The following MCUB variants were observed in gnomAD, a reference collection of about 807,000 sequenced individuals.
MCUB encodes the protein mitochondrial calcium uniporter dominant negative subunit beta.
Under a neutral mutation model 41.4 loss-of-function variants are expected in MCUB, and 46 were observed. The ratio of observed to expected loss-of-function variants is 1.11; its 90% CI spans 0.88 to 1.42. The LOEUF is 1.42. Among genes scored for constraint, MCUB ranks in the 40% most tolerant of loss-of-function variants. The probability of loss-of-function intolerance (pLI) is 0.00; values close to 1 mark genes in which losing one functional copy is unlikely to be tolerated. For synonymous variants in MCUB, 148 were observed against 148.2 expected (o/e 1.00, Z 0.01); for missense variants, 403 against 404.9 (o/e 1.00, Z 0.04).
At chr4:109,681,889 G>C (rs1053712445) in intron 4 of MCUB, among the ~76,000 whole-genome samples, 1 of 152,242 alleles carries the variant, frequency 6.6e-6, no homozygotes, top group Non-Finnish European at 1.5e-5. Context: ...AGATTTAATA[G>C]TGTGAAATAG....
intron 1 of MCUB, among the ~76,000 whole-genome samples, chr4:109,599,985 T>TAGTTGTACGCAACTA (rs1459207930): frequency 6.6e-6 from 1 of 152,194 alleles, no homozygotes. Flanking sequence ...ATTTAGAGTC[T>TAGTTGTACGCAACTA]GAAGTGTTGT....
At chr4:109,620,492 C>T (rs1354127795) in intron 1 of MCUB, among the ~76,000 whole-genome samples, 1 of 149,092 alleles carries the variant, frequency 6.7e-6, no homozygotes, top group African/African-American at 2.5e-5. Context: ...TATGAAGAAA[C>T]TTCAAGTAAC....
chr4:109,589,348 C>G (rs910952473), intron 1 of MCUB, among the ~76,000 whole-genome samples: 5 of 152,142 alleles, frequency 3.3e-5, no homozygotes, highest in African/African-American at 9.7e-5. Flanking sequence ...GCATTTGTCT[C>G]CCCTCTAGGA....
At chr4:109,623,096 T>G (rs947457095) in intron 1 of MCUB, among the ~76,000 whole-genome samples, 4 of 152,200 alleles carry the variant, frequency 2.6e-5, no homozygotes, top group Non-Finnish European at 5.9e-5. Flanking sequence ...GGCAAGGGAT[T>G]AATGGCCATT....
intron 1 of MCUB, among the ~76,000 whole-genome samples, chr4:109,598,617 C>CGGAGA (rs1727646688): frequency 6.6e-6 from 1 of 151,502 alleles, no homozygotes; most frequent in Non-Finnish European, 1.5e-5. Flanking sequence ...GGTGGGGAGA[C>CGGAGA]GGGAGAGGGA....
chr4:109,688,645 A>G lies in MCUB; in HGVS notation c.*1053A>G, dbSNP rs1729915362. ...ATAAAATATGAATTTCGAATATTTT[A>G]TTAAGGGATGATTTAATTCCTGGAT... On this transcript the variant is annotated 3_prime_UTR_variant, in exon 8 of 8. Transcript: ENST00000394650. 6.6e-6 allele frequency: 1 copy of G among 152,232 alleles called. No individual in the cohort carries two copies. The highest frequency in any genetic ancestry group is 2.4e-5 in the African/African-American group (1 of 41,462). 9.4% of individuals were successfully genotyped at this position (152,232 alleles called of 1,614,324 possible). A position where few individuals can be genotyped will look rare whatever the true frequency, so the allele number is the denominator to read the frequency against.
chr4:109,569,644 C>T (rs1398900705), intron 1 of MCUB, among the ~76,000 whole-genome samples: 2 of 151,870 alleles, frequency 1.3e-5, no homozygotes, highest in African/African-American at 2.4e-5. Flanking sequence ...GCTGGGATTA[C>T]AGGTGCCTGC....
chr4:109,593,889 T>C (rs1364039528), intron 1 of MCUB, among the ~76,000 whole-genome samples: 2 of 152,252 alleles, frequency 1.3e-5, no homozygotes, highest in Non-Finnish European at 2.9e-5. Context: ...ATGAAGTCAA[T>C]GGGCAGAATT....
intron 5 of MCUB, among the ~76,000 whole-genome samples, chr4:109,683,437 A>ATT (rs539779292): frequency 6.6e-6 from 1 of 152,096 alleles, no homozygotes; most frequent in Non-Finnish European, 1.5e-5. Flanking sequence ...ATCGTTTACC[A>ATT]TTTTAGTTTT....
chr4:109,677,028 G>C (rs1353513725), intron 4 of MCUB, among the ~76,000 whole-genome samples: 1 of 152,230 alleles, frequency 6.6e-6, no homozygotes, highest in Non-Finnish European at 1.5e-5. Flanking sequence ...CTACTGCCTG[G>C]GCTGAGCCCA....
At chr4:109,613,195 T>G (rs1728056188) in intron 1 of MCUB, among the ~76,000 whole-genome samples, 1 of 152,090 alleles carries the variant, frequency 6.6e-6, no homozygotes, top group Non-Finnish European at 1.5e-5. Context: ...CAACAAAATA[T>G]TGGAGTAGAA....
At chr4:109,620,944 G>T (rs1728239573) in intron 1 of MCUB, among the ~76,000 whole-genome samples, 1 of 151,626 alleles carries the variant, frequency 6.6e-6, no homozygotes, top group Non-Finnish European at 1.5e-5. Context: ...TGTCACCCAG[G>T]CTGGAGTGCA....
chr4:109,562,320 T>A (rs904946151), intron 1 of MCUB, among the ~76,000 whole-genome samples: 3 of 152,224 alleles, frequency 2.0e-5, no homozygotes, highest in Admixed American at 2.0e-4. Flanking sequence ...TGTTTCTAAT[T>A]TGCAAATTTT....
intron 1 of MCUB, among the ~76,000 whole-genome samples, chr4:109,600,855 C>T (rs990742352): frequency 4.6e-5 from 7 of 152,058 alleles, no homozygotes; most frequent in African/African-American, 1.7e-4. Flanking sequence ...AGTACAGTGG[C>T]ATAATCTCAG....
rs1729297880 is a variant in MCUB, at chr4:109,664,389, A to G, written c.446A>G (p.Lys149Arg). 1 of 1,332,594 alleles carries G rather than the reference A, an allele frequency of 7.5e-7. No homozygotes were observed. The allele number at this position is 1,332,594 out of a possible 1,614,324, so 82.5% of individuals were successfully genotyped here. The change falls in exon 4 of 8, where the codon AAG becomes AGG. Residue 149 changes from lysine (K) to arginine (R), a missense_variant. Physicochemically the swap from Lys to Arg is conservative, Grantham distance 26. Transcript: ENST00000394650. The stretch of plus-strand genomic sequence containing the variant: ...ATAGCATATGATGTGCAGTGTCCAA[A>G]GAGAGGTAAGAAACACAGCTATCCA... The part of the protein sequence containing the change: ...NKIAYDVQCP[K>R]REKPSNEHTA...
chr4:109,603,246 C>T (rs1355174644), intron 1 of MCUB, among the ~76,000 whole-genome samples: 3 of 152,326 alleles, frequency 2.0e-5, no homozygotes, highest in East Asian at 3.9e-4. Flanking sequence ...CAGGCGCGCG[C>T]CGCCACGCCT....
At chr4:109,598,709 G>T (rs1727652031) in intron 1 of MCUB, among the ~76,000 whole-genome samples, 1 of 152,086 alleles carries the variant, frequency 6.6e-6, no homozygotes, top group Non-Finnish European at 1.5e-5. Context: ...TCTTATTGCT[G>T]GTGAGGCCTG....
intron 4 of MCUB, among the ~76,000 whole-genome samples, chr4:109,678,882 C>G (rs1003686512): frequency 2.1e-5 from 3 of 145,774 alleles, no homozygotes; most frequent in Non-Finnish European, 3.0e-5. Flanking sequence ...CAGAGACACT[C>G]CCCACTTCCC....
At chr4:109,632,722 C>G (rs1482314487) in intron 1 of MCUB, among the ~76,000 whole-genome samples, 3 of 148,336 alleles carry the variant, frequency 2.0e-5, no homozygotes, top group Non-Finnish European at 4.4e-5. Context: ...TCAAGTGATT[C>G]TCTTGCCTCA....
Sources: gnomAD v4.1 joint callset for allele counts (sites outside exome capture counted in the v4.1 genomes callset) on GRCh38, gnomAD v4.1.1 for gene constraint, MANE v1.5 for transcripts, NCBI Gene and HGNC (gene_info 2026-07-23, HGNC 2026-07-21) for gene names.